Variants in C1orf56 observed in about 807,000 individuals in gnomAD.
C1orf56 encodes chromosome 1 open reading frame 56.
A neutral mutation model predicts 20.7 loss-of-function variants in C1orf56; 14 were observed. The observed-to-expected ratio is 0.68, with a 90% CI of 0.45 to 1.06. The LOEUF (loss-of-function observed/expected upper bound fraction) is 1.06, where lower values mean the gene tolerates loss of function less well. C1orf56 is among the 50% of genes least tolerant of loss of function. The pLI, the probability that C1orf56 is intolerant of heterozygous loss-of-function variation, is 0.00. For synonymous variants in C1orf56, 187 were observed against 194.7 expected, an observed-to-expected ratio of 0.96 and a Z score of 0.33; for missense variants, 424 against 451.4, an observed-to-expected ratio of 0.94 and a Z score of 0.55.
rs1455975454 is a variant in C1orf56 at position 151,048,683 on chromosome 1, C to T, written c.836C>T (p.Thr279Ile). Residue 279 changes from threonine (T) to isoleucine (I), a missense_variant, in exon 1 of 2, where the codon ACC becomes ATC. Physicochemically the swap from Thr to Ile is moderately conservative, Grantham distance 89. Coordinates refer to ENST00000368926, the MANE Select transcript of C1orf56 (RefSeq NM_017860.5). This position sits in a 1 kb window ranked among gnomAD's most constrained non-coding sequence, Gnocchi z 4.8. ...GACACCAACTGTGCCTCTCAGAGCA[C>T]CACCAGTACCAGGACCACCACTACC... ...CTDTNCASQS[T>I]TSTRTTTTPF... 1 of 1,612,256 alleles carries T rather than the reference C, an allele frequency of 6.2e-7. No individual in the cohort carries two copies. The highest frequency in any genetic ancestry group is 1.3e-5 in the African/African-American group (1 of 74,930).
rs775891550 is a variant in C1orf56, at chr1:151,047,899, C to T, written c.52C>T (p.Pro18Ser). The change falls in exon 1 of 2, where the codon CCC becomes TCC. Residue 18 changes from proline (P) to serine (S), a missense_variant. By Grantham distance (74) the Pro-to-Ser change is moderately conservative (BLOSUM62 -1). Coordinates refer to ENST00000368926, the MANE Select transcript of C1orf56 (RefSeq NM_017860.5). ...GTGGGTCCTGCTGCTGAATCTGGGTCCCCGGGCGGCGGGGGCCCAAGGCCT... is the reference window on the plus strand; with the variant it reads ...GTGGGTCCTGCTGCTGAATCTGGGTTCCCGGGCGGCGGGGGCCCAAGGCCT... ...LLWVLLLNLG[P>S]RAAGAQGLTQ... The T allele has an allele frequency of 2.2e-5, 36 of 1,606,762 alleles. No individual in the cohort carries two copies. The Admixed American group carries it at 2.5e-4, about 11-fold the overall frequency.
chr1:151,049,984 GTAT>G (rs1270241186), intron 1 of C1orf56, among the ~76,000 whole-genome samples: 2 of 152,206 alleles, frequency 1.3e-5, no homozygotes, highest in East Asian at 3.8e-4. Flanking sequence ...ATCCTATGAG[GTAT>G]TATTATCCCT....
Position 151,048,611 on chromosome 1 carries a change from G to C in C1orf56, c.764G>C (p.Cys255Ser). The change falls in exon 1 of 2, where the codon TGC (cysteine) becomes TCC (serine). Residue 255 changes from cysteine to serine, a missense_variant. Physicochemically the swap from Cys to Ser is moderately radical, Grantham distance 112. Coordinates refer to ENST00000368926, the MANE Select transcript of C1orf56 (RefSeq NM_017860.5). The surrounding 1 kb of genome is among the most constrained non-coding windows in gnomAD (Gnocchi z 4.8). ...HKPCTYQQCP[C>S]NRLREECPLD... ...CCTTGCACCTATCAACAATGTCCCT[G>C]CAACCGACTTCGGGAAGAGTGCCCC... The C allele has an allele frequency of 6.2e-7, 1 of 1,614,228 alleles. No homozygotes were observed. The highest frequency in any genetic ancestry group is 8.5e-7 in the Non-Finnish European group (1 of 1,180,046).
At chr1:151,050,374 G>T (rs1306345896) in intron 1 of C1orf56, 64 bp from the exon 2 acceptor site, 2 of 1,517,150 alleles carry the variant, frequency 1.3e-6, no homozygotes, top group Non-Finnish European at 1.8e-6. Flanking sequence ...ATGAAGCAAG[G>T]AAGGGAAAAG....
Position 151,048,607 on chromosome 1 carries a change from C to G in C1orf56, c.760C>G (p.Pro254Ala), listed in dbSNP as rs761024059. The change falls in exon 1 of 2, where the codon CCC becomes GCC. Residue 254 changes from proline to alanine, a missense_variant. Pro to Ala is a conservative substitution (Grantham distance 27). Coordinates refer to ENST00000368926, the MANE Select transcript of C1orf56 (RefSeq NM_017860.5). This position sits in a 1 kb window ranked among gnomAD's most constrained non-coding sequence, Gnocchi z 4.8. ...EHKPCTYQQC[P>A]CNRLREECPL... ...CAAGCCTTGCACCTATCAACAATGT[C>G]CCTGCAACCGACTTCGGGAAGAGTG... The G allele has an allele frequency of 3.1e-6, 5 of 1,614,250 alleles. No homozygotes were observed. Among genetic ancestry groups the G allele is most frequent in the Middle Eastern group, 1.6e-4 (1 of 6,062 alleles).
At chr1:151,049,384 T>C (rs1193723587) in intron 1 of C1orf56, among the ~76,000 whole-genome samples, 1 of 151,814 alleles carries the variant, frequency 6.6e-6, no homozygotes, top group African/African-American at 2.4e-5. Context: ...CCCAAAGTGC[T>C]GGGATTATAG....
chr1:151,048,039 A>G lies in C1orf56; in HGVS notation c.192A>G (p.Leu64=). The change falls in exon 1 of 2, where the codon CTA becomes CTG. Residue 64 remains leucine (L), a synonymous_variant. Coordinates refer to ENST00000368926, the MANE Select transcript of C1orf56 (RefSeq NM_017860.5). This position sits in a 1 kb window ranked among gnomAD's most constrained non-coding sequence, Gnocchi z 4.8. ...TTCCCCGGAAGACAAGGATAATCCTAGAGGACGAGAATGATGCCATGGCCG... is the reference window on the plus strand; with the variant it reads ...TTCCCCGGAAGACAAGGATAATCCTGGAGGACGAGAATGATGCCATGGCCG... The part of the protein sequence containing the change: ...TGLPRKTRII[L]EDENDAMADA... 6.2e-7 allele frequency: 1 copy of G among 1,614,096 alleles called. No individual in the cohort carries two copies. Among genetic ancestry groups the G allele is most frequent in the Non-Finnish European group, 8.5e-7 (1 of 1,179,998 alleles).
rs1676154819 is a variant in C1orf56, at chr1:151,050,505, T to C, written c.*47T>C. 2 of 1,571,378 alleles carry C rather than the reference T, an allele frequency of 1.3e-6. No individual in the cohort carries two copies. The highest frequency in any genetic ancestry group is 1.7e-6 in the Non-Finnish European group (2 of 1,154,994). ...GAGATGTCAGTATCTCAACCTCTCTTGCCCTTTCAATCCTAGCACCCACTA... is the reference window on the plus strand; with the variant it reads ...GAGATGTCAGTATCTCAACCTCTCTCGCCCTTTCAATCCTAGCACCCACTA... On this transcript the variant is annotated 3_prime_UTR_variant, in exon 2 of 2. Transcript: ENST00000368926.
chr1:151,051,025 C>G lies in C1orf56; in HGVS notation c.*567C>G, dbSNP rs1200422877. 1 of 152,156 alleles carries G rather than the reference C, an allele frequency of 6.6e-6. No individual in the cohort carries two copies. Among genetic ancestry groups the G allele is most frequent in the East Asian group, 1.9e-4 (1 of 5,200 alleles). The allele number at this position is 152,156 out of a possible 1,614,324, so 9.4% of individuals were successfully genotyped here. On this transcript the variant is annotated 3_prime_UTR_variant, in exon 2 of 2. Coordinates refer to ENST00000368926, the MANE Select transcript of C1orf56 (RefSeq NM_017860.5). Reference sequence around the variant, plus strand: ...TATTTGAAAAAATGTATTTAAAAGTCCAACAACTTTTTAATATAAATTACG... The same window carrying G: ...TATTTGAAAAAATGTATTTAAAAGTGCAACAACTTTTTAATATAAATTACG...
At position 151,047,843 on chromosome 1, in the gene C1orf56, G is replaced by T. The variant is rs1382358207; in HGVS notation, c.-5G>T. The T allele has an allele frequency of 1.3e-6, 2 of 1,560,436 alleles. No individual in the cohort carries two copies. Among genetic ancestry groups the T allele is most frequent in the East Asian group, 4.5e-5 (2 of 44,320 alleles). On this transcript the variant is annotated 5_prime_UTR_variant, in exon 1 of 2. Transcript: ENST00000368926. ...CCACCCTCCCAACCCCAAGAGCCCA[G>T]CCCCATGGTCCCCGCCGCCGGCGCG... is the stretch of plus-strand genomic sequence containing the variant.
chr1:151,047,835 A>G lies in C1orf56; in HGVS notation c.-13A>G, dbSNP rs748071990. 5 of 1,538,556 alleles carry G rather than the reference A, an allele frequency of 3.2e-6. No individual in the cohort carries two copies. The Admixed American group carries it at 6.1e-5, about 19-fold the overall frequency. ...CTCACTGGCCACCCTCCCAACCCCA[A>G]GAGCCCAGCCCCATGGTCCCCGCCG... On this transcript the variant is annotated 5_prime_UTR_variant, in exon 1 of 2. Coordinates refer to ENST00000368926, the MANE Select transcript of C1orf56 (RefSeq NM_017860.5).
In C1orf56 at chr1:151,048,710, C is replaced by G; in HGVS notation, c.863C>G (p.Pro288Arg). ...STTSTRTTTT[P>R]FPTIHLRSSP... ...ACCAGTACCAGGACCACCACTACCCCCTTCCCCACCATCCACCTCAGAAGC... is the reference window on the plus strand; with the variant it reads ...ACCAGTACCAGGACCACCACTACCCGCTTCCCCACCATCCACCTCAGAAGC... The change falls in exon 1 of 2, where the codon CCC becomes CGC. Residue 288 changes from proline (P) to arginine (R), a missense_variant. Pro to Arg is a moderately radical substitution (Grantham distance 103, BLOSUM62 -2). Coordinates refer to ENST00000368926, the MANE Select transcript of C1orf56 (RefSeq NM_017860.5). This position sits in a 1 kb window ranked among gnomAD's most constrained non-coding sequence, Gnocchi z 4.8. The G allele has an allele frequency of 6.2e-7, 1 of 1,612,028 alleles. No individual in the cohort carries two copies. The highest frequency in any genetic ancestry group is 8.5e-7 in the Non-Finnish European group (1 of 1,178,856).
At chr1:151,049,208 G>A (rs927722450) in intron 1 of C1orf56, among the ~76,000 whole-genome samples, 3 of 151,646 alleles carry the variant, frequency 2.0e-5, no homozygotes, top group Non-Finnish European at 2.9e-5. Flanking sequence ...CTGCCTCCCA[G>A]GTTCAAACAA....
chr1:151,048,238 A>T lies in C1orf56; in HGVS notation c.391A>T (p.Thr131Ser). ...SRELPSATPN[T>S]AGSSSTRFIA... ...AGAGCTTCCCAGTGCGACTCCCAATACAGCGGGGAGTTCCAGCACGAGGTT... is the reference window on the plus strand; with the variant it reads ...AGAGCTTCCCAGTGCGACTCCCAATTCAGCGGGGAGTTCCAGCACGAGGTT... The change falls in exon 1 of 2, where the codon ACA becomes TCA. Residue 131 changes from threonine to serine, a missense_variant. Thr to Ser is a moderately conservative substitution (Grantham distance 58). Coordinates refer to ENST00000368926, the MANE Select transcript of C1orf56 (RefSeq NM_017860.5). The surrounding 1 kb of genome is among the most constrained non-coding windows in gnomAD (Gnocchi z 4.8). The T allele has an allele frequency of 6.2e-7, 1 of 1,614,228 alleles. No homozygotes were observed. The highest frequency in any genetic ancestry group is 8.5e-7 in the Non-Finnish European group (1 of 1,180,040).
chr1:151,047,761 G>C lies in C1orf56; in HGVS notation c.-87G>C. The C allele has an allele frequency of 1.4e-6, 2 of 1,426,710 alleles. No individual in the cohort carries two copies. The highest frequency in any genetic ancestry group is 1.8e-6 in the Non-Finnish European group (2 of 1,096,026). 88.4% of individuals were successfully genotyped at this position (1,426,710 alleles called of 1,614,324 possible). A position where few individuals can be genotyped will look rare whatever the true frequency, so the allele number is the denominator to read the frequency against. On this transcript the variant is annotated 5_prime_UTR_variant, in exon 1 of 2. Transcript: ENST00000368926. ...CGCGGGCCTCGGTTCAAACGACCCG[G>C]TGGGTCTACAGCGGAAGGGAGGGAG...
At position 151,047,837 on chromosome 1, in the gene C1orf56, A is replaced by G. The variant is rs769509897; in HGVS notation, c.-11A>G. 3 of 1,540,388 alleles carry G rather than the reference A, an allele frequency of 1.9e-6. No homozygotes were observed. Among genetic ancestry groups the G allele is most frequent in the Non-Finnish European group, 2.6e-6 (3 of 1,148,828 alleles). On this transcript the variant is annotated 5_prime_UTR_variant, in exon 1 of 2. Coordinates refer to ENST00000368926, the MANE Select transcript of C1orf56 (RefSeq NM_017860.5). ...CACTGGCCACCCTCCCAACCCCAAG[A>G]GCCCAGCCCCATGGTCCCCGCCGCC...
In C1orf56 at chr1:151,050,567, C is replaced by A; in HGVS notation, c.*109C>A. 1.8e-6 allele frequency: 2 copies of A among 1,110,600 alleles called. No homozygotes were observed. Among genetic ancestry groups the A allele is most frequent in the South Asian group, 1.5e-5 (1 of 67,202 alleles). The allele number at this position is 1,110,600 out of a possible 1,614,324, so 68.8% of individuals were successfully genotyped here. On this transcript the variant is annotated 3_prime_UTR_variant, in exon 2 of 2. Coordinates refer to ENST00000368926, the MANE Select transcript of C1orf56 (RefSeq NM_017860.5). ...TACAGAAAAACAAAACTGGAAAACA[C>A]ATTGTTTGGTCTTGTGTTTCTTTAC...
intron 1 of C1orf56, 24 bp from the exon 2 acceptor site, chr1:151,050,414 T>A: frequency 1.2e-6 from 2 of 1,601,438 alleles, no homozygotes; most frequent in South Asian, 2.3e-5. Context: ...TTTCCCTTTT[T>A]CTCTATTTTT....
chr1:151,049,985 T>C (rs74125051), intron 1 of C1orf56, among the ~76,000 whole-genome samples: 2,905 of 152,316 alleles, frequency 0.019, 79 homozygotes, highest in African/African-American at 0.066. Flanking sequence ...TCCTATGAGG[T>C]ATTATTATCC....
Sources: allele counts gnomAD v4.1 joint callset (sites outside exome capture counted in the v4.1 genomes callset), GRCh38; gene constraint gnomAD v4.1.1; non-coding constraint Gnocchi (gnomAD v3.1); transcripts MANE v1.5; gene names NCBI Gene and HGNC (gene_info 2026-07-23, HGNC 2026-07-21).